Variants in TULP4 observed in about 807,000 individuals in gnomAD.
TULP4 encodes tubby-related protein 4.
Under a neutral mutation model 129.0 loss-of-function variants are expected in TULP4, and 16 were observed. The ratio of observed to expected loss-of-function variants is 0.12; its 90% CI spans 0.08 to 0.19. TULP4 has a LOEUF of 0.19. TULP4 is among the 10% of genes least tolerant of loss of function. TULP4 has a pLI of 1.00. For missense variants in TULP4, 1,842 were observed against 2,059.1 expected (o/e 0.89, Z 2.04); for synonymous variants, 998 against 854.0 (o/e 1.17, Z -2.94).
intron 1 of TULP4, among the ~76,000 whole-genome samples, chr6:158,379,433 C>T (rs1416049945): frequency 2.0e-5 from 3 of 152,214 alleles, no homozygotes; most frequent in African/African-American, 7.2e-5. Flanking sequence ...CAGAGTGCTG[C>T]AGCAGTTCTT....
intron 1 of TULP4, chr6:158,242,411 G>C: frequency 1.5e-6 from 2 of 1,330,806 alleles, no homozygotes; most frequent in Admixed American, 3.4e-5. Flanking sequence ...CATCGTGGGA[G>C]TTTCGGACGA....
At chr6:158,321,528 A>G (rs1277860503) in intron 1 of TULP4, among the ~76,000 whole-genome samples, 1 of 151,988 alleles carries the variant, frequency 6.6e-6, no homozygotes, top group African/African-American at 2.4e-5. Context: ...GACAGAACTC[A>G]TTTCCCCCCG....
chr6:158,271,309 A>G (rs1778542151), intron 1 of TULP4, among the ~76,000 whole-genome samples: 1 of 152,174 alleles, frequency 6.6e-6, no homozygotes. Context: ...GTGCCTAACC[A>G]AAATAGGTCC....
At chr6:158,492,831 T>C (rs1780247271) in intron 9 of TULP4, among the ~76,000 whole-genome samples, 1 of 152,204 alleles carries the variant, frequency 6.6e-6, no homozygotes, top group Non-Finnish European at 1.5e-5. Context: ...GTCTTTGGGG[T>C]AGACTGTCAT....
intron 1 of TULP4, among the ~76,000 whole-genome samples, chr6:158,243,650 A>G (rs1315952637): frequency 6.6e-6 from 1 of 151,858 alleles, no homozygotes; most frequent in East Asian, 1.9e-4. Flanking sequence ...TTTCCTGTAC[A>G]TTGGTAGTTC....
At chr6:158,353,446 A>G (rs1004653435) in intron 1 of TULP4, among the ~76,000 whole-genome samples, 5 of 152,312 alleles carry the variant, frequency 3.3e-5, no homozygotes, top group Middle Eastern at 3.4e-3. Flanking sequence ...TCCTGTAGCT[A>G]TGTATAATTT....
chr6:158,461,441 A>G (rs1779424707), intron 5 of TULP4, 122 bp from the exon 6 acceptor site: 1 of 937,082 alleles, frequency 1.1e-6, no homozygotes, highest in Non-Finnish European at 1.6e-6. Context: ...AAAACCATGA[A>G]TATATTTTTG....
chr6:158,308,463 C>G (rs1779258328), upstream of TULP4, among the ~76,000 whole-genome samples: 2 of 152,058 alleles, frequency 1.3e-5, no homozygotes, highest in Non-Finnish European at 2.9e-5. Flanking sequence ...TCCCCCCTTT[C>G]TATTCCACAA....
intron 1 of TULP4, among the ~76,000 whole-genome samples, chr6:158,360,730 T>C (rs1780766533): frequency 6.6e-6 from 1 of 152,302 alleles, no homozygotes; most frequent in East Asian, 1.9e-4. Context: ...GCAGGTGGAA[T>C]AGGCTGTATG....
rs1779000438 is a variant in TULP4, at chr6:158,294,764, C to T, written n.116+12386C>T. Among the ~76,000 whole-genome samples, 3 of 152,036 alleles carry T rather than the reference C, an allele frequency of 2.0e-5. No homozygotes were observed. In the South Asian group the frequency reaches 6.2e-4, roughly 32 times the overall value. The stretch of plus-strand genomic sequence containing the variant: ...TCTTTTTTTGAGACAGGGTCTGGCT[C>T]CTGTTTCCCAGGCCTGGAGCACAGT... On this transcript the variant is annotated intron_variant and non_coding_transcript_variant, in intron 1 of 1. Transcript: ENST00000432358.
At chr6:158,250,117 T>G (rs1778111727) in intron 1 of TULP4, among the ~76,000 whole-genome samples, 1 of 151,976 alleles carries the variant, frequency 6.6e-6, no homozygotes. Context: ...ATTAGAGACA[T>G]GAGCCACCAT....
At chr6:158,454,018 AC>A (rs1554293006) in intron 5 of TULP4, among the ~76,000 whole-genome samples, 9 of 114,622 alleles carry the variant, frequency 7.9e-5, no homozygotes, top group African/African-American at 2.8e-4. Flanking sequence ...CTGCCTCTGC[AC>A]CGCCCCCCCC....
At chr6:158,361,022 AT>A (rs1196715516) in intron 1 of TULP4, among the ~76,000 whole-genome samples, 2 of 151,954 alleles carry the variant, frequency 1.3e-5, no homozygotes, top group South Asian at 2.1e-4. Context: ...GTGCTAACCA[AT>A]TTTTTTCCAT....
chr6:158,472,060 T>C (rs1165825484), intron 6 of TULP4, among the ~76,000 whole-genome samples: 4 of 152,238 alleles, frequency 2.6e-5, no homozygotes, highest in African/African-American at 9.6e-5. Context: ...AGCTCAGGAA[T>C]TGGATCCTCC....
At chr6:158,254,459 A>G (rs1307464397) in intron 1 of TULP4, among the ~76,000 whole-genome samples, 2 of 152,172 alleles carry the variant, frequency 1.3e-5, no homozygotes, top group African/African-American at 2.4e-5. Flanking sequence ...CACCATTTTT[A>G]AGGTAGATGT....
At chr6:158,415,608 C>T (rs1173548414) in intron 2 of TULP4, among the ~76,000 whole-genome samples, 1 of 150,630 alleles carries the variant, frequency 6.6e-6, no homozygotes, top group Non-Finnish European at 1.5e-5. Flanking sequence ...GATCCACCCG[C>T]GTCAGCCTCC....
chr6:158,416,099 A>G (rs1778203562), intron 2 of TULP4, among the ~76,000 whole-genome samples: 4 of 152,214 alleles, frequency 2.6e-5, no homozygotes. Context: ...AGCACGGGAG[A>G]GAGATGAAGG....
At chr6:158,243,667 G>A (rs1777968907) in intron 1 of TULP4, among the ~76,000 whole-genome samples, 1 of 151,894 alleles carries the variant, frequency 6.6e-6, no homozygotes. Flanking sequence ...GTTCATTGTA[G>A]AGGCTAAATC....
chr6:158,487,431 C>T (rs1034074994), intron 8 of TULP4, among the ~76,000 whole-genome samples: 3 of 152,086 alleles, frequency 2.0e-5, no homozygotes, highest in African/African-American at 4.8e-5. Flanking sequence ...GGCGACAGAG[C>T]GAGACTCCAT....
Sources: gnomAD v4.1 joint callset for allele counts (sites outside exome capture counted in the v4.1 genomes callset) on GRCh38, gnomAD v4.1.1 for gene constraint, MANE v1.5 for transcripts, NCBI Gene and HGNC (gene_info 2026-07-23, HGNC 2026-07-21) for gene names.